ABHD6: variants seen among roughly 807,000 people sequenced by gnomAD.
ABHD6 encodes monoacylglycerol lipase ABHD6.
In ABHD6, 33 loss-of-function variants were observed where a neutral mutation model predicts 38.8. The ratio of observed to expected loss-of-function variants is 0.85; its 90% CI spans 0.64 to 1.14. The LOEUF (loss-of-function observed/expected upper bound fraction) is 1.14. Among genes scored for constraint, ABHD6 ranks in the 50% most tolerant of loss-of-function variants. The pLI, the probability that ABHD6 is intolerant of heterozygous loss-of-function variation, is 0.00. For synonymous variants in ABHD6, 147 were observed against 161.6 expected (o/e 0.91, Z 0.69); for missense variants, 380 against 422.6 (o/e 0.90, Z 0.88).
chr3:58,290,440 A>C (rs1179269227), intron 9 of ABHD6, among the ~76,000 whole-genome samples: 29 of 61,368 alleles, frequency 4.7e-4, no homozygotes, highest in African/African-American at 6.2e-4. Context: ...CCCCTCACCT[A>C]CCGGATGGGG....
rs2097456301 is a variant in ABHD6, at chr3:58,285,549, G to C, written c.837+96G>C. 1 of 1,041,740 alleles carries C rather than the reference G, an allele frequency of 9.6e-7. No homozygotes were observed. Among genetic ancestry groups the C allele is most frequent in the Admixed American group, 1.9e-5 (1 of 52,672 alleles). 64.5% of individuals were successfully genotyped at this position (1,041,740 alleles called of 1,614,324 possible). ...GAACAAGTGGTTATTTATGGAGTGA[G>C]CTGATCGCTGCTGTCAGGAAGAGGG... is the stretch of plus-strand genomic sequence containing the variant. On this transcript the variant is annotated intron_variant, in intron 9 of 9. Coordinates refer to ENST00000478253, the MANE Select transcript of ABHD6 (RefSeq NM_001320126.2). This position sits in a 1 kb window ranked among gnomAD's most constrained non-coding sequence, Gnocchi z 4.9.
intron 6 of ABHD6, 104 bp from the exon 7 acceptor site, chr3:58,274,554 C>A: frequency 3.2e-6 from 4 of 1,245,522 alleles, no homozygotes; most frequent in East Asian, 2.4e-5. Context: ...TGAAATAAAC[C>A]TGAAATATAT....
chr3:58,291,105 A>G (rs1306904632), intron 9 of ABHD6, among the ~76,000 whole-genome samples: 2 of 150,866 alleles, frequency 1.3e-5, no homozygotes, highest in African/African-American at 2.4e-5. Context: ...CACTGAGTGA[A>G]CCAGACACCG....
At position 58,252,045 on chromosome 3, in the gene ABHD6, G is replaced by A. The variant is rs575008937; in HGVS notation, c.-26+2103G>A. 1.1e-4 allele frequency among the ~76,000 whole-genome samples: 16 copies of A among 152,052 alleles called. No individual in the cohort carries two copies. In the South Asian group the frequency reaches 3.3e-3, roughly 32 times the overall value. ...TCATTAAATAGATGAAGAAGCCAAGGTCTCCCAGCTGATGTGTGGAAGAGC... is the reference window on the plus strand; with the variant it reads ...TCATTAAATAGATGAAGAAGCCAAGATCTCCCAGCTGATGTGTGGAAGAGC... On this transcript the variant is annotated intron_variant, in intron 2 of 9. Coordinates refer to ENST00000478253, the MANE Select transcript of ABHD6 (RefSeq NM_001320126.2).
chr3:58,274,532 GA>G lies in ABHD6; in HGVS notation c.524-123del, dbSNP rs1433159647. The G allele has an allele frequency of 4.6e-5, 47 of 1,018,802 alleles. No homozygotes were observed. The South Asian group carries it at 6.3e-4, about 14-fold the overall frequency. 63.1% of individuals were successfully genotyped at this position (1,018,802 alleles called of 1,614,324 possible). On this transcript the variant is annotated intron_variant, in intron 6 of 9. Coordinates refer to ENST00000478253, the MANE Select transcript of ABHD6 (RefSeq NM_001320126.2). ...CAAGGATGGCAGTACCAACAAAAAAGAAATCTACTCATGAAATAAACCTGAA... is the reference window on the plus strand; with the variant it reads ...CAAGGATGGCAGTACCAACAAAAAAGAATCTACTCATGAAATAAACCTGAA...
chr3:58,273,499 G>C lies in ABHD6; in HGVS notation c.524-1159G>C, dbSNP rs552475648. Among the ~76,000 whole-genome samples the C allele has an allele frequency of 1.2e-4, 18 of 152,222 alleles. 1 individual carries two copies. The highest frequency in any genetic ancestry group is 3.4e-3 in the Middle Eastern group (1 of 294). On this transcript the variant is annotated intron_variant, in intron 6 of 9. Coordinates refer to ENST00000478253, the MANE Select transcript of ABHD6 (RefSeq NM_001320126.2). This position sits in a 1 kb window ranked among gnomAD's most constrained non-coding sequence, Gnocchi z 4.8. ...CCAAATGCCCACCAATGATAAACTG[G>C]ATAAAGAAAATGTGGCACATATACA...
At chr3:58,252,502 C>G (rs1481565104) in intron 2 of ABHD6, among the ~76,000 whole-genome samples, 1 of 152,142 alleles carries the variant, frequency 6.6e-6, no homozygotes, top group Non-Finnish European at 1.5e-5. Flanking sequence ...GCATGAGCCA[C>G]CACGCCCAGC....
At chr3:58,270,869 G>C in intron 5 of ABHD6, 63 bp from the exon 6 acceptor site, 1 of 1,522,926 alleles carries the variant, frequency 6.6e-7, no homozygotes, top group Non-Finnish European at 8.8e-7. Context: ...CTTCTATGCT[G>C]TAGTCACCAT....
chr3:58,282,548 G>A (rs1391972211), intron 7 of ABHD6, among the ~76,000 whole-genome samples: 2 of 152,010 alleles, frequency 1.3e-5, no homozygotes, highest in South Asian at 2.1e-4. Context: ...CCTGGGCAAC[G>A]TGGTGAAGCC....
intron 1 of ABHD6, among the ~76,000 whole-genome samples, chr3:58,246,691 C>T (rs2097426625): frequency 6.6e-6 from 1 of 151,784 alleles, no homozygotes; most frequent in South Asian, 2.1e-4. Context: ...ATCAGTACCT[C>T]TCCCAGAATC....
In ABHD6 at chr3:58,238,469, C is replaced by G. The variant is rs1021531508; in HGVS notation, c.-91+553C>G. On this transcript the variant is annotated intron_variant, in intron 1 of 9. Coordinates refer to ENST00000478253, the MANE Select transcript of ABHD6 (RefSeq NM_001320126.2). This position sits in a 1 kb window ranked among gnomAD's most constrained non-coding sequence, Gnocchi z 6.9. ...GGCTCCCGTGCCCTTGCGCCCCTTC[C>G]GTGTCGAAACACTTGAATCAGGATG... 1 of 152,536 alleles carries G rather than the reference C, an allele frequency of 6.6e-6. No homozygotes were observed. The highest frequency in any genetic ancestry group is 1.5e-5 in the Non-Finnish European group (1 of 68,212). 9.4% of individuals were successfully genotyped at this position (152,536 alleles called of 1,614,324 possible). A position where few individuals can be genotyped will look rare whatever the true frequency, so the allele number is the denominator to read the frequency against.
At position 58,259,500 on chromosome 3, in the gene ABHD6, C is replaced by T. The variant is rs964597513; in HGVS notation, c.119+2795C>T. Among the ~76,000 whole-genome samples the T allele has an allele frequency of 1.7e-4, 26 of 151,908 alleles. No homozygotes were observed. Among genetic ancestry groups the T allele is most frequent in the Non-Finnish European group, 2.9e-4 (20 of 67,974 alleles). On this transcript the variant is annotated intron_variant, in intron 3 of 9. Coordinates refer to ENST00000478253, the MANE Select transcript of ABHD6 (RefSeq NM_001320126.2). This position sits in a 1 kb window ranked among gnomAD's most constrained non-coding sequence, Gnocchi z 4.7. ...TTCGAGACCAGCCTGGCCAACATGG[C>T]GAAACCCCGTCTCTACTAAAAATAC...
intron 3 of ABHD6, among the ~76,000 whole-genome samples, chr3:58,262,835 T>A (rs2097437954): frequency 6.6e-6 from 1 of 152,092 alleles, no homozygotes; most frequent in Non-Finnish European, 1.5e-5. Context: ...TTTGGGAGGC[T>A]GAGGGAGGCA....
chr3:58,288,769 T>A (rs2107478410), intron 9 of ABHD6, among the ~76,000 whole-genome samples: 1 of 152,316 alleles, frequency 6.6e-6, no homozygotes, highest in South Asian at 2.1e-4. Context: ...TTATAGTGCA[T>A]AACAGGCCCG....
At chr3:58,272,875 T>C (rs1260270856) in intron 6 of ABHD6, among the ~76,000 whole-genome samples, 1 of 152,222 alleles carries the variant, frequency 6.6e-6, no homozygotes, top group African/African-American at 2.4e-5. Flanking sequence ...ATTGCAGAGA[T>C]ATTATAGAGC....
At position 58,267,578 on chromosome 3, in the gene ABHD6, T is replaced by C. The variant is rs984215589; in HGVS notation, c.276+233T>C. Among the ~76,000 whole-genome samples the C allele has an allele frequency of 1.3e-5, 2 of 151,924 alleles. No individual in the cohort carries two copies. Among genetic ancestry groups the C allele is most frequent in the African/African-American group, 2.4e-5 (1 of 41,334 alleles). On this transcript the variant is annotated intron_variant, in intron 4 of 9. Coordinates refer to ENST00000478253, the MANE Select transcript of ABHD6 (RefSeq NM_001320126.2). The surrounding 1 kb of genome is among the most constrained non-coding windows in gnomAD (Gnocchi z 4.3). ...TACTCAGGAGACTGAGGTGGGAAGA[T>C]TGCTTGAGCCTGGGGGGTCAAGTCT...
chr3:58,279,747 T>C (rs377220754), intron 7 of ABHD6, among the ~76,000 whole-genome samples: 1 of 152,234 alleles, frequency 6.6e-6, no homozygotes, highest in Admixed American at 6.5e-5. Context: ...CTTTCCATGT[T>C]TAGTGCTTCC....
intron 1 of ABHD6, among the ~76,000 whole-genome samples, chr3:58,247,532 A>G (rs2097427251): frequency 1.3e-5 from 2 of 152,092 alleles, no homozygotes; most frequent in Admixed American, 1.3e-4. Flanking sequence ...CAGATGGACT[A>G]CTTTATTTGA....
chr3:58,254,901 A>G (rs1559772721), intron 2 of ABHD6, among the ~76,000 whole-genome samples: 1 of 151,994 alleles, frequency 6.6e-6, no homozygotes, highest in Non-Finnish European at 1.5e-5. Context: ...TATATAAAAT[A>G]GAGATGAGGT....
Sources: allele counts gnomAD v4.1 joint callset (sites outside exome capture counted in the v4.1 genomes callset), GRCh38; gene constraint gnomAD v4.1.1; non-coding constraint Gnocchi (gnomAD v3.1); transcripts MANE v1.5; gene names NCBI Gene and HGNC (gene_info 2026-07-23, HGNC 2026-07-21).